LRRFIP1: variants seen among roughly 807,000 people sequenced by gnomAD.
The protein encoded by LRRFIP1 is leucine-rich repeat flightless-interacting protein 1.
Under a neutral mutation model 104.4 loss-of-function variants are expected in LRRFIP1, and 62 were observed. The ratio of observed to expected loss-of-function variants is 0.59; its 90% CI spans 0.48 to 0.73. The LOEUF is 0.73. Ranked by LOEUF, LRRFIP1 falls within the 30% of genes least tolerant of loss-of-function variation. LRRFIP1 has a pLI of 0.00. For synonymous variants in LRRFIP1, 300 were observed against 299.0 expected (o/e 1.00, Z -0.03); for missense variants, 796 against 824.5 (o/e 0.97, Z 0.42).
At chr2:237,764,697 G>A (rs1228084919) in intron 19 of LRRFIP1, 24 of 987,242 alleles carry the variant, frequency 2.4e-5, no homozygotes, top group Non-Finnish European at 2.8e-5. Flanking sequence ...TTGCACCTTA[G>A]AACAATAATC....
At chr2:237,715,791 A>G (rs2094310025) in intron 3 of LRRFIP1, among the ~76,000 whole-genome samples, 1 of 152,198 alleles carries the variant, frequency 6.6e-6, no homozygotes, top group African/African-American at 2.4e-5. Flanking sequence ...GGATCATGGT[A>G]GTGATTGACG....
At chr2:237,643,455 T>C (rs1417551017) in intron 1 of LRRFIP1, among the ~76,000 whole-genome samples, 1 of 152,202 alleles carries the variant, frequency 6.6e-6, no homozygotes, top group Non-Finnish European at 1.5e-5. Flanking sequence ...GGAGAATCCA[T>C]TTACTCTGAT....
chr2:237,766,026 C>A lies in LRRFIP1; in HGVS notation c.1460-3917C>A. 1 of 593,192 alleles carries A rather than the reference C, an allele frequency of 1.7e-6. No homozygotes were observed. Among genetic ancestry groups the A allele is most frequent in the African/African-American group, 2.0e-5 (1 of 49,558 alleles). The allele number at this position is 593,192 out of a possible 1,614,324, so 36.7% of individuals were successfully genotyped here. On this transcript the variant is annotated intron_variant, in intron 19 of 23. Transcript: ENST00000308482. This position sits in a 1 kb window ranked among gnomAD's most constrained non-coding sequence, Gnocchi z 4.8. Reference sequence around the variant, plus strand: ...GGGGTTGCTGATTCCTATTGGGGTTCCGTGGAAGACCCACGCCTGATGCCC... The same window carrying A: ...GGGGTTGCTGATTCCTATTGGGGTTACGTGGAAGACCCACGCCTGATGCCC...
intron 1 of LRRFIP1, among the ~76,000 whole-genome samples, chr2:237,682,820 T>C (rs182416361): frequency 1.3e-4 from 20 of 152,378 alleles, no homozygotes; most frequent in African/African-American, 4.8e-4. Flanking sequence ...AGATGCCGTG[T>C]GCACATATTC....
intron 19 of LRRFIP1, chr2:237,764,028 A>G (rs942035860): frequency 1.2e-6 from 2 of 1,614,102 alleles, no homozygotes; most frequent in Non-Finnish European, 1.7e-6. Context: ...CTAGAGAACG[A>G]TGACTTGTCG....
At chr2:237,687,187 A>G (rs557197739) in intron 1 of LRRFIP1, among the ~76,000 whole-genome samples, 5 of 152,376 alleles carry the variant, frequency 3.3e-5, no homozygotes, top group Admixed American at 2.0e-4. Flanking sequence ...GACAAGTGCT[A>G]TAACCTCTGT....
rs1453191763 is a variant in LRRFIP1 at position 237,748,400 on chromosome 2, G to A, written c.669+1G>A. 1.9e-6 allele frequency: 3 copies of A among 1,603,182 alleles called. No homozygotes were observed. Among genetic ancestry groups the A allele is most frequent in the Non-Finnish European group, 1.7e-6 (2 of 1,176,612 alleles). On this transcript the variant is annotated splice_donor_variant, in intron 12 of 23. Transcript: ENST00000308482. LOFTEE classifies it high-confidence loss of function. ...ACCAGAAAAAGATTTTACTGAGAAGGTAAGGAATCGTTCATAAACCTAGAG... is the reference window on the plus strand; with the variant it reads ...ACCAGAAAAAGATTTTACTGAGAAGATAAGGAATCGTTCATAAACCTAGAG...
In LRRFIP1 at chr2:237,691,593, G is replaced by A. The variant is rs2092757414; in HGVS notation, c.97-16951G>A. 1.3e-5 allele frequency among the ~76,000 whole-genome samples: 2 copies of A among 152,218 alleles called. No homozygotes were observed. Among genetic ancestry groups the A allele is most frequent in the South Asian group, 4.1e-4 (2 of 4,832 alleles). ...GGCCGGCAGGTGCAGCGGTGCTGGG[G>A]CCTAGGCTTCCGCGTCCAGGAAGCT... On this transcript the variant is annotated intron_variant, in intron 1 of 23. Coordinates refer to ENST00000308482, the MANE Select transcript of LRRFIP1 (RefSeq NM_001137550.2). This position sits in a 1 kb window ranked among gnomAD's most constrained non-coding sequence, Gnocchi z 5.4.
At chr2:237,743,799 A>C (rs1192764656) in intron 11 of LRRFIP1, among the ~76,000 whole-genome samples, 1 of 152,188 alleles carries the variant, frequency 6.6e-6, no homozygotes, top group African/African-American at 2.4e-5. Flanking sequence ...GCTGGGATCC[A>C]GAGGTTTGAC....
At position 237,735,292 on chromosome 2, in the gene LRRFIP1, T is replaced by A. The variant is rs566731381; in HGVS notation, c.514T>A (p.Phe172Ile). Residue 172 changes from phenylalanine to isoleucine, a missense_variant, in exon 10 of 24, where the codon TTC becomes ATC. By Grantham distance (21) the Phe-to-Ile change is conservative (BLOSUM62 0). Transcript: ENST00000308482. The surrounding 1 kb of genome is among the most constrained non-coding windows in gnomAD (Gnocchi z 4.6). ...YRASVLDEGSFGGTRRGSTSG... is the reference protein window; with the variant it reads ...YRASVLDEGSIGGTRRGSTSG... ...GGCGTCTGTGTTGGATGAAGGCAGC[T>A]TCGGTGGGACCCGACGGGGCAGCAC... 2 of 1,613,504 alleles carry A rather than the reference T, an allele frequency of 1.2e-6. No individual in the cohort carries two copies. The highest frequency in any genetic ancestry group is 1.7e-6 in the Non-Finnish European group (2 of 1,179,818).
chr2:237,675,276 G>A (rs529596968), intron 1 of LRRFIP1, among the ~76,000 whole-genome samples: 3 of 152,306 alleles, frequency 2.0e-5, no homozygotes, highest in Non-Finnish European at 4.4e-5. Flanking sequence ...CACCTGTTTA[G>A]GGGCTGCCTG....
chr2:237,739,453 G>T lies in LRRFIP1; in HGVS notation c.633+144G>T. On this transcript the variant is annotated intron_variant, in intron 11 of 23. Transcript: ENST00000308482. ...TACATTGCTCAACTTTTCAAGGACCGTAAAAGAAATTGTTAGCTGTGCTTA... is the reference window on the plus strand; with the variant it reads ...TACATTGCTCAACTTTTCAAGGACCTTAAAAGAAATTGTTAGCTGTGCTTA... The T allele has an allele frequency of 3.8e-6, 3 of 785,954 alleles. No homozygotes were observed. The Middle Eastern group carries it at 7.1e-4, about 186-fold the overall frequency. 48.7% of individuals were successfully genotyped at this position (785,954 alleles called of 1,614,324 possible).
chr2:237,758,709 T>C lies in LRRFIP1; in HGVS notation c.1225-20T>C, dbSNP rs759661370. 1 of 1,561,906 alleles carries C rather than the reference T, an allele frequency of 6.4e-7. No individual in the cohort carries two copies. Among genetic ancestry groups the C allele is most frequent in the Non-Finnish European group, 8.8e-7 (1 of 1,140,478 alleles). The stretch of plus-strand genomic sequence containing the variant: ...TCTGTGCAAATCTTCTTCTTTCTCT[T>C]GGCTCTGCTGCACACTCAGGCATTA... On this transcript the variant is annotated intron_variant, in intron 17 of 23. Coordinates refer to ENST00000308482, the MANE Select transcript of LRRFIP1 (RefSeq NM_001137550.2).
intron 1 of LRRFIP1, among the ~76,000 whole-genome samples, chr2:237,681,364 C>T (rs1171948696): frequency 1.3e-5 from 2 of 152,052 alleles, no homozygotes; most frequent in Non-Finnish European, 2.9e-5. Flanking sequence ...TTACACAGTC[C>T]TATTCTTTTT....
At chr2:237,635,378 T>C (rs913200303) in intron 1 of LRRFIP1, among the ~76,000 whole-genome samples, 1 of 152,216 alleles carries the variant, frequency 6.6e-6, no homozygotes, top group African/African-American at 2.4e-5. Flanking sequence ...TTTTCCTGCA[T>C]TTGAATAAAA....
intron 1 of LRRFIP1, among the ~76,000 whole-genome samples, chr2:237,676,975 T>A (rs2091243144): frequency 6.6e-6 from 1 of 152,242 alleles, no homozygotes; most frequent in Non-Finnish European, 1.5e-5. Flanking sequence ...CTTCCTCCTT[T>A]TGTGATTACA....
chr2:237,655,948 G>A (rs74623468), intron 1 of LRRFIP1, among the ~76,000 whole-genome samples: 3,382 of 152,316 alleles, frequency 0.022, 116 homozygotes, highest in African/African-American at 0.075. Context: ...CTTTTGAAAT[G>A]TGAGTTATTG....
intron 1 of LRRFIP1, among the ~76,000 whole-genome samples, chr2:237,699,656 CA>C (rs2093401087): frequency 6.6e-6 from 1 of 152,214 alleles, no homozygotes; most frequent in African/African-American, 2.4e-5. Flanking sequence ...CCGGCCAAAA[CA>C]GTGGTTTTTC....
At chr2:237,656,119 A>G (rs116248443) in intron 1 of LRRFIP1, among the ~76,000 whole-genome samples, 4,156 of 152,308 alleles carry the variant, frequency 0.027, 194 homozygotes, top group African/African-American at 0.094. Context: ...ATGTAACGTA[A>G]ATATATAGAT....
Sources: gnomAD v4.1 joint callset for allele counts (sites outside exome capture counted in the v4.1 genomes callset) on GRCh38, gnomAD v4.1.1 for gene constraint, Gnocchi (gnomAD v3.1) non-coding constraint, MANE v1.5 for transcripts, NCBI Gene and HGNC (gene_info 2026-07-23, HGNC 2026-07-21) for gene names.